Variants in ELMO1 observed in about 807,000 individuals in gnomAD.
The protein encoded by ELMO1 is engulfment and cell motility 1, also known as engulfment and cell motility protein 1.
A neutral mutation model predicts 98.9 loss-of-function variants in ELMO1; 26 were observed. The observed-to-expected ratio is 0.26, with a 90% confidence interval of 0.19 to 0.36. The LOEUF (loss-of-function observed/expected upper bound fraction) is 0.36. Ranked by LOEUF, ELMO1 falls within the 10% of genes least tolerant of loss-of-function variation. The pLI is 1.00. For missense variants in ELMO1, 627 were observed against 935.2 expected, an observed-to-expected ratio of 0.67 and a Z score of 4.30; for synonymous variants, 346 against 346.0, an observed-to-expected ratio of 1.00 and a Z score of 0.00.
chr7:37,146,616 C>G (rs1788005706), intron 13 of ELMO1, among the ~76,000 whole-genome samples: 1 of 152,156 alleles, frequency 6.6e-6, no homozygotes, highest in African/African-American at 2.4e-5. Flanking sequence ...CAACATGGAC[C>G]AGTGTCCCAA....
chr7:36,915,806 G>C (rs1784646191), intron 16 of ELMO1, among the ~76,000 whole-genome samples: 1 of 152,176 alleles, frequency 6.6e-6, no homozygotes, highest in African/African-American at 2.4e-5. Flanking sequence ...TTGACCCCCA[G>C]GCAGGAGGTG....
chr7:37,105,946 T>C (rs1431649983), intron 14 of ELMO1, among the ~76,000 whole-genome samples: 1 of 152,146 alleles, frequency 6.6e-6, no homozygotes, highest in Non-Finnish European at 1.5e-5. Flanking sequence ...TGGATCTACA[T>C]AGAGGTAGTG....
At position 37,314,930 on chromosome 7, in the gene ELMO1, A is replaced by G. The variant is rs1799075903; in HGVS notation, c.120-8T>C. 2 of 1,602,588 alleles carry G rather than the reference A, an allele frequency of 1.2e-6. No homozygotes were observed. ...TGGTTGGCAAGAGACCACCTTAAAA[A>G]TACAAGCGTATACTGATTAGAAAAA... On this transcript the variant is annotated splice_region_variant and splice_polypyrimidine_tract_variant and intron_variant, in intron 3 of 21. Transcript: ENST00000310758.
intron 16 of ELMO1, among the ~76,000 whole-genome samples, chr7:36,955,687 T>G (rs2129111304): frequency 6.6e-6 from 1 of 152,330 alleles, no homozygotes; most frequent in African/African-American, 2.4e-5. Flanking sequence ...AAATCACTTC[T>G]TGCTGTCCCT....
chr7:36,886,252 C>T (rs964980524), intron 18 of ELMO1, among the ~76,000 whole-genome samples: 4 of 152,186 alleles, frequency 2.6e-5, no homozygotes, highest in Non-Finnish European at 4.4e-5. Context: ...TCCTGAGGCT[C>T]AGCTTGAAAT....
At chr7:36,861,055 AAAAGAAAG>A (rs1296596036) in intron 21 of ELMO1, among the ~76,000 whole-genome samples, 4 of 152,264 alleles carry the variant, frequency 2.6e-5, no homozygotes, top group Admixed American at 2.6e-4. Context: ...TCCAGTTTAT[AAAAGAAAG>A]TTAAATCAGC....
chr7:37,448,577 G>C (rs1389472090), intron 1 of ELMO1, 98 bp downstream of exon 1: 1 of 151,854 alleles, frequency 6.6e-6, no homozygotes, highest in Non-Finnish European at 1.5e-5. Flanking sequence ...GTCCCCCGGA[G>C]CAGGACGCCT....
intron 16 of ELMO1, among the ~76,000 whole-genome samples, chr7:36,984,429 T>C (rs752438692): frequency 7.2e-5 from 11 of 152,202 alleles, no homozygotes; most frequent in Non-Finnish European, 1.3e-4. Context: ...ACTTCTTTAA[T>C]AGACAGAGTA....
chr7:37,299,769 A>G (rs1315844848), intron 4 of ELMO1, among the ~76,000 whole-genome samples: 1 of 40,362 alleles, frequency 2.5e-5, no homozygotes. Flanking sequence ...TTGGTTCCAT[A>G]TGAACTTTAA....
chr7:37,132,166 G>T (rs1335714449), intron 14 of ELMO1, among the ~76,000 whole-genome samples: 1 of 152,198 alleles, frequency 6.6e-6, no homozygotes, highest in African/African-American at 2.4e-5. Flanking sequence ...ATCACTAGAT[G>T]ATGATAGTGC....
chr7:36,872,049 C>T (rs1293570707), intron 19 of ELMO1, among the ~76,000 whole-genome samples: 1 of 152,206 alleles, frequency 6.6e-6, no homozygotes, highest in Non-Finnish European at 1.5e-5. Context: ...ATAGCTGTCT[C>T]TCCTTCCTTC....
At chr7:37,417,612 C>T (rs1282627448) in intron 1 of ELMO1, among the ~76,000 whole-genome samples, 1 of 151,268 alleles carries the variant, frequency 6.6e-6, no homozygotes, top group Non-Finnish European at 1.5e-5. Context: ...TGCAATGAGC[C>T]AAGATCACGC....
At chr7:37,422,853 T>C (rs1804537836) in intron 1 of ELMO1, among the ~76,000 whole-genome samples, 1 of 152,206 alleles carries the variant, frequency 6.6e-6, no homozygotes, top group South Asian at 2.1e-4. Flanking sequence ...GGGAAAACCA[T>C]TTAGATACTT....
intron 14 of ELMO1, among the ~76,000 whole-genome samples, chr7:37,114,509 CT>C (rs1785447898): frequency 6.6e-6 from 1 of 152,036 alleles, no homozygotes; most frequent in African/African-American, 2.4e-5. Flanking sequence ...ACTGGGTTGC[CT>C]TATCAAGGCA....
intron 20 of ELMO1, 123 bp from the exon 21 acceptor site, chr7:36,861,859 G>T: frequency 1.2e-6 from 1 of 843,968 alleles, no homozygotes; most frequent in Non-Finnish European, 2.0e-6. Flanking sequence ...GAGCTGCAAT[G>T]AGGCTGATGG....
At chr7:37,203,285 T>A (rs1792404366) in intron 13 of ELMO1, among the ~76,000 whole-genome samples, 1 of 152,208 alleles carries the variant, frequency 6.6e-6, no homozygotes, top group African/African-American at 2.4e-5. Flanking sequence ...CTCCCGTTAG[T>A]ATTGGGACCT....
chr7:37,006,727 G>A (rs112411229), intron 16 of ELMO1, among the ~76,000 whole-genome samples: 1,831 of 152,284 alleles, frequency 0.012, 32 homozygotes, highest in African/African-American at 0.04. Flanking sequence ...ACTCTCTAGC[G>A]GGGTGATAAT....
At chr7:37,141,377 G>A (rs1261567833) in intron 13 of ELMO1, among the ~76,000 whole-genome samples, 6 of 152,082 alleles carry the variant, frequency 3.9e-5, no homozygotes, top group Admixed American at 2.0e-4. Flanking sequence ...GAAAGAATGG[G>A]GGTTGGTGAG....
intron 1 of ELMO1, among the ~76,000 whole-genome samples, chr7:37,418,383 C>A (rs1242006786): frequency 2.0e-5 from 3 of 152,178 alleles, no homozygotes; most frequent in African/African-American, 7.2e-5. Flanking sequence ...CTACCCCTGA[C>A]AGCAGCCTGC....
Sources: gnomAD v4.1 joint callset for allele counts (sites outside exome capture counted in the v4.1 genomes callset) on GRCh38, gnomAD v4.1.1 for gene constraint, MANE v1.5 for transcripts, NCBI Gene and HGNC (gene_info 2026-07-23, HGNC 2026-07-21) for gene names.